CRY1: variants seen among roughly 807,000 people sequenced by gnomAD.
The protein encoded by CRY1 is cryptochrome-1.
A neutral mutation model predicts 76.0 loss-of-function variants in CRY1; 45 were observed. The observed-to-expected ratio is 0.59, with a 90% CI of 0.47 to 0.76. The LOEUF is 0.76. Among genes scored for constraint, CRY1 ranks in the 30% least tolerant of loss-of-function variants. The probability of loss-of-function intolerance (pLI) is 0.00; values close to 1 mark genes in which losing one functional copy is unlikely to be tolerated. For missense variants in CRY1, 587 were observed against 716.4 expected (o/e 0.82, Z 2.06); for synonymous variants, 248 against 244.0 (o/e 1.02, Z -0.15).
chr12:107,059,338 A>C (rs1953022903), intron 1 of CRY1, among the ~76,000 whole-genome samples: 1 of 152,112 alleles, frequency 6.6e-6, no homozygotes, highest in Non-Finnish European at 1.5e-5. Context: ...TGCAGCCTCA[A>C]CCTCCCTGGC....
chr12:107,053,182 AACAGAT>A (rs1952942882), intron 1 of CRY1, among the ~76,000 whole-genome samples: 1 of 152,248 alleles, frequency 6.6e-6, no homozygotes, highest in African/African-American at 2.4e-5. Flanking sequence ...ATCCAAACTT[AACAGAT>A]ACAGTTAAAA....
At chr12:107,030,526 TAG>T (rs2136855846) in intron 1 of CRY1, among the ~76,000 whole-genome samples, 1 of 152,318 alleles carries the variant, frequency 6.6e-6, no homozygotes, top group Admixed American at 6.5e-5. Flanking sequence ...AGCTGAGGAA[TAG>T]GCGTGTGTAT....
chr12:107,016,487 A>G (rs1038800125), intron 2 of CRY1, among the ~76,000 whole-genome samples: 1 of 152,240 alleles, frequency 6.6e-6, no homozygotes, highest in Non-Finnish European at 1.5e-5. Flanking sequence ...TATTTTTTAA[A>G]TTGACAGTAA....
At position 107,022,436 on chromosome 12, in the gene CRY1, A is replaced by G. The variant is rs944382617; in HGVS notation, c.159-244T>C. On this transcript the variant is annotated intron_variant, in intron 1 of 12. Transcript: ENST00000008527. ...TTTTCATTAAATAAAAGTGACTATT[A>G]GCAAAAATTTAATTTGTGAACATAA... Among the ~76,000 whole-genome samples the G allele has an allele frequency of 2.6e-5, 4 of 152,104 alleles. No individual in the cohort carries two copies. The South Asian group carries it at 8.3e-4, about 31-fold the overall frequency.
At chr12:107,087,157 CAT>C (rs1358544896) in intron 1 of CRY1, among the ~76,000 whole-genome samples, 1 of 152,174 alleles carries the variant, frequency 6.6e-6, no homozygotes, top group Non-Finnish European at 1.5e-5. Flanking sequence ...GACTCCAATC[CAT>C]GAGAGCAGCC....
intron 7 of CRY1, among the ~76,000 whole-genome samples, chr12:106,998,688 ACAC>A (rs1375221434): frequency 2.0e-5 from 3 of 151,636 alleles, no homozygotes; most frequent in African/African-American, 7.3e-5. Context: ...ACACACACAC[ACAC>A]AAGCTCAGAA....
At chr12:107,051,917 TTAAA>T (rs1189701073) in intron 1 of CRY1, among the ~76,000 whole-genome samples, 1 of 150,746 alleles carries the variant, frequency 6.6e-6, no homozygotes, top group Admixed American at 6.7e-5. Flanking sequence ...TTATATAAAA[TTAAA>T]TAAAATCTGT....
intron 1 of CRY1, among the ~76,000 whole-genome samples, chr12:107,070,925 C>T (rs950884648): frequency 1.3e-4 from 19 of 150,206 alleles, no homozygotes; most frequent in African/African-American, 4.4e-4. Flanking sequence ...AGGATGATCT[C>T]GATCTCCTGA....
rs1201720964 is a variant in CRY1 at position 107,046,592 on chromosome 12, C to T, written c.159-24400G>A. The stretch of plus-strand genomic sequence containing the variant: ...TCCCCACTAAAAAGCTACAGAGTAG[C>T]CAAATGGATTTTAAAAACAAAATGA... On this transcript the variant is annotated intron_variant, in intron 1 of 12. Coordinates refer to ENST00000008527, the MANE Select transcript of CRY1 (RefSeq NM_004075.5). Among the ~76,000 whole-genome samples the T allele has an allele frequency of 2.0e-5, 3 of 152,176 alleles. No homozygotes were observed. In the East Asian group the frequency reaches 5.8e-4, roughly 29 times the overall value.
intron 2 of CRY1, among the ~76,000 whole-genome samples, chr12:107,007,562 C>G (rs952257283): frequency 3.3e-5 from 5 of 151,046 alleles, no homozygotes; most frequent in Admixed American, 1.3e-4. Flanking sequence ...TAGGCTCCCA[C>G]TCTGTTGCCC....
At chr12:106,999,527 T>G in intron 7 of CRY1, 24 bp downstream of exon 7, 10 of 1,568,460 alleles carry the variant, frequency 6.4e-6, no homozygotes, top group Non-Finnish European at 8.6e-6. Context: ...AAATAAGGCA[T>G]GCTATATCAG....
chr12:107,069,618 TATATATATATAA>T (rs1565842776), intron 1 of CRY1, among the ~76,000 whole-genome samples: 1 of 80,962 alleles, frequency 1.2e-5, no homozygotes, highest in East Asian at 4.9e-4. Flanking sequence ...ATATAAAAAG[TATATATATATAA>T]AGTATATATA....
At chr12:107,077,394 T>C (rs780976193) in intron 1 of CRY1, among the ~76,000 whole-genome samples, 6 of 152,200 alleles carry the variant, frequency 3.9e-5, no homozygotes, top group Non-Finnish European at 7.4e-5. Flanking sequence ...ACCTGGTAGA[T>C]AACAGGCTCT....
At chr12:107,007,491 A>G (rs1310466943) in intron 2 of CRY1, among the ~76,000 whole-genome samples, 1 of 152,056 alleles carries the variant, frequency 6.6e-6, no homozygotes, top group Non-Finnish European at 1.5e-5. Context: ...AGCACAATGC[A>G]TAGCAAGCCC....
At chr12:107,049,476 G>A (rs1315154265) in intron 1 of CRY1, among the ~76,000 whole-genome samples, 1 of 152,102 alleles carries the variant, frequency 6.6e-6, no homozygotes, top group African/African-American at 2.4e-5. Context: ...CTGGGGTCAA[G>A]TGATTCTCCT....
intron 2 of CRY1, among the ~76,000 whole-genome samples, chr12:107,017,429 T>C (rs1257341132): frequency 6.6e-6 from 1 of 152,216 alleles, no homozygotes; most frequent in Non-Finnish European, 1.5e-5. Context: ...CTTTTATTGG[T>C]TTCACTCGGA....
chr12:107,006,107 G>T (rs7133843), intron 2 of CRY1, among the ~76,000 whole-genome samples: 105,561 of 151,982 alleles, frequency 0.69, 37,485 homozygotes, highest in East Asian at 0.97. Flanking sequence ...TATTCTAGGC[G>T]GCGTGCGGTG....
At chr12:107,016,764 A>G (rs1417452371) in intron 2 of CRY1, among the ~76,000 whole-genome samples, 2 of 152,174 alleles carry the variant, frequency 1.3e-5, no homozygotes, top group Admixed American at 6.5e-5. Flanking sequence ...AATTTATAAA[A>G]TGAACTTCTT....
At chr12:107,070,242 T>A (rs898094817) in intron 1 of CRY1, among the ~76,000 whole-genome samples, 21 of 152,210 alleles carry the variant, frequency 1.4e-4, no homozygotes, top group African/African-American at 4.3e-4. Flanking sequence ...ATCATTAAGA[T>A]AACAGATATA....
Sources: allele counts gnomAD v4.1 joint callset (sites outside exome capture counted in the v4.1 genomes callset), GRCh38; gene constraint gnomAD v4.1.1; transcripts MANE v1.5; gene names NCBI Gene and HGNC (gene_info 2026-07-23, HGNC 2026-07-21).